CUX2: variants seen among roughly 807,000 people sequenced by gnomAD.
CUX2 encodes the protein cut like homeobox 2, also known as homeobox protein cut-like 2.
Under a neutral mutation model 144.8 loss-of-function variants are expected in CUX2, and 40 were observed. The observed-to-expected ratio is 0.28, with a 90% confidence interval of 0.21 to 0.36. The LOEUF is 0.36. Among genes scored for constraint, CUX2 ranks in the 10% least tolerant of loss-of-function variants. The probability of loss-of-function intolerance (pLI) is 1.00; values close to 1 mark genes in which losing one functional copy is unlikely to be tolerated. For synonymous variants in CUX2, 827 were observed against 875.6 expected (o/e 0.94, Z 0.98); for missense variants, 1,615 against 1,994.0 (o/e 0.81, Z 3.62).
At chr12:111,239,825 G>A (rs756496754) in intron 3 of CUX2, among the ~76,000 whole-genome samples, 4 of 152,172 alleles carry the variant, frequency 2.6e-5, no homozygotes, top group Non-Finnish European at 5.9e-5. Context: ...TGTGTTCTGT[G>A]TCTGTCTGGG....
chr12:111,331,596 C>T (rs1888122929), intron 18 of CUX2, among the ~76,000 whole-genome samples: 1 of 151,892 alleles, frequency 6.6e-6, no homozygotes, highest in Non-Finnish European at 1.5e-5. Context: ...GAGGTGGACC[C>T]TTGCCCCACG....
rs2136150150 is a variant in CUX2, at chr12:111,160,475, TG to T, written c.64-53724del. Among the ~76,000 whole-genome samples the T allele has an allele frequency of 6.6e-6, 1 of 152,302 alleles. No individual in the cohort carries two copies. The highest frequency in any genetic ancestry group is 1.9e-4 in the East Asian group (1 of 5,178). ...TCATCTCTGTGCCTGTGTGTCTGCA[TG>T]TGCACACGTGCAGTGTGTCAGGGAG... On this transcript the variant is annotated intron_variant, in intron 1 of 21. Coordinates refer to ENST00000261726, the MANE Select transcript of CUX2 (RefSeq NM_015267.4). This position sits in a 1 kb window ranked among gnomAD's most constrained non-coding sequence, Gnocchi z 4.1.
intron 1 of CUX2, among the ~76,000 whole-genome samples, chr12:111,145,489 C>G (rs1230907868): frequency 1.3e-5 from 2 of 152,196 alleles, no homozygotes; most frequent in African/African-American, 4.8e-5. Context: ...CCACCTCAGC[C>G]TCCCAAGCAG....
chr12:111,043,095 AC>A (rs1481749441), intron 1 of CUX2, among the ~76,000 whole-genome samples: 1 of 152,234 alleles, frequency 6.6e-6, no homozygotes, highest in East Asian at 1.9e-4. Flanking sequence ...TATATAAAAA[AC>A]AAATACAATA....
In CUX2 at chr12:111,231,100, G is replaced by C. The variant is rs141660784; in HGVS notation, c.222+13163G>C. On this transcript the variant is annotated intron_variant, in intron 3 of 21. Coordinates refer to ENST00000261726, the MANE Select transcript of CUX2 (RefSeq NM_015267.4). Reference sequence around the variant, plus strand: ...CATTTTTAAGTGTACAGTTCAATGAGTTAAGTACACTCGCCCTGTTGTGCA... The same window carrying C: ...CATTTTTAAGTGTACAGTTCAATGACTTAAGTACACTCGCCCTGTTGTGCA... Among the ~76,000 whole-genome samples, 267 of 152,260 alleles carry C rather than the reference G, an allele frequency of 1.8e-3. 3 individuals are homozygous for C. In the South Asian group the frequency reaches 0.027, roughly 15 times the overall value.
intron 1 of CUX2, among the ~76,000 whole-genome samples, chr12:111,074,631 A>G (rs778570122): frequency 7.2e-5 from 11 of 152,024 alleles, no homozygotes; most frequent in African/African-American, 9.7e-5. Context: ...CTGACTTCAC[A>G]GGAAGCAGCA....
At chr12:111,193,130 AG>A (rs1319916930) in intron 1 of CUX2, among the ~76,000 whole-genome samples, 2 of 152,170 alleles carry the variant, frequency 1.3e-5, no homozygotes, top group Non-Finnish European at 2.9e-5. Context: ...CTTGTCTTTA[AG>A]GGTTGGTGGT....
intron 1 of CUX2, among the ~76,000 whole-genome samples, chr12:111,065,958 C>A (rs114724436): frequency 6.6e-6 from 1 of 152,176 alleles, no homozygotes; most frequent in African/African-American, 2.4e-5. Context: ...CAAACCCATG[C>A]GAGTGCAGGA....
chr12:111,193,723 A>G (rs981352830), intron 1 of CUX2, among the ~76,000 whole-genome samples: 4 of 152,146 alleles, frequency 2.6e-5, no homozygotes, highest in Admixed American at 2.6e-4. Flanking sequence ...GGGACCTCTC[A>G]CTGGCTGGAG....
chr12:111,116,111 A>G (rs1337997324), intron 1 of CUX2, among the ~76,000 whole-genome samples: 2 of 152,190 alleles, frequency 1.3e-5, no homozygotes, highest in Non-Finnish European at 2.9e-5. Flanking sequence ...GAGAACTCCT[A>G]TTCATTTGAC....
At chr12:111,104,240 G>A (rs1339322472) in intron 1 of CUX2, among the ~76,000 whole-genome samples, 2 of 152,134 alleles carry the variant, frequency 1.3e-5, no homozygotes, top group Non-Finnish European at 2.9e-5. Context: ...ATAGGCCAAA[G>A]CTTCCTTTTT....
Position 111,314,639 on chromosome 12 carries a change from T to TTA in CUX2, c.2002+2438_2002+2439insTA, listed in dbSNP as rs1346176308. Among the ~76,000 whole-genome samples, 4 of 23,234 alleles carry TTA rather than the reference T, an allele frequency of 1.7e-4. No individual in the cohort carries two copies. The Admixed American group carries it at 2.4e-3, about 14-fold the overall frequency. The allele number at this position is 23,234 out of a possible 152,430, so 15.2% of individuals were successfully genotyped here. ...TGCGCAACAAGAGCAAAACTCAGTC[T>TTA]AAAAAAAAAAAAAAAAAAAAAAAAA... On this transcript the variant is annotated intron_variant, in intron 16 of 21. Transcript: ENST00000261726.
At chr12:111,223,733 C>T (rs1176690149) in intron 3 of CUX2, among the ~76,000 whole-genome samples, 4 of 152,280 alleles carry the variant, frequency 2.6e-5, no homozygotes, top group East Asian at 1.9e-4. Flanking sequence ...CCAGTCAAGC[C>T]GTCAGATGAC....
At chr12:111,232,921 T>C (rs1156425083) in intron 3 of CUX2, among the ~76,000 whole-genome samples, 1 of 152,174 alleles carries the variant, frequency 6.6e-6, no homozygotes, top group Non-Finnish European at 1.5e-5. Flanking sequence ...CAGTTGTAAT[T>C]CAGACACTCG....
At chr12:111,143,644 C>G (rs1256984248) in intron 1 of CUX2, among the ~76,000 whole-genome samples, 1 of 152,242 alleles carries the variant, frequency 6.6e-6, no homozygotes, top group Admixed American at 6.5e-5. Context: ...CAGTGTTATG[C>G]TCACTTAAAG....
At chr12:111,218,019 G>C (rs547308565) in intron 3 of CUX2, 82 bp downstream of exon 3, 26 of 1,462,042 alleles carry the variant, frequency 1.8e-5, no homozygotes, top group Admixed American at 1.0e-4. Flanking sequence ...GCCCAGGGGG[G>C]CCAGCAGCCT....
At chr12:111,105,542 C>G (rs1383691346) in intron 1 of CUX2, among the ~76,000 whole-genome samples, 1 of 152,152 alleles carries the variant, frequency 6.6e-6, no homozygotes, top group Non-Finnish European at 1.5e-5. Flanking sequence ...CTCTCCCTGC[C>G]TCTCCAGAGC....
intron 1 of CUX2, among the ~76,000 whole-genome samples, chr12:111,091,898 G>C (rs1429073052): frequency 6.6e-6 from 1 of 152,148 alleles, no homozygotes; most frequent in Non-Finnish European, 1.5e-5. Flanking sequence ...TAAGGACAAG[G>C]GTCGCTAGAT....
chr12:111,347,728 G>A lies in CUX2; in HGVS notation c.3864G>A (p.Leu1288=). Residue 1288 remains leucine, a synonymous_variant, in exon 22 of 22, where the codon CTG becomes CTA. Coordinates refer to ENST00000261726, the MANE Select transcript of CUX2 (RefSeq NM_015267.4). ...GCCCTGAGGAGAACAGCACACCCCT[G>A]ACCACCCAGGACAAGGCCCAAGTGA... is the stretch of plus-strand genomic sequence containing the variant. ...QEGPEENSTP[L]TTQDKAQVRI... 2 of 1,613,730 alleles carry A rather than the reference G, an allele frequency of 1.2e-6. No individual in the cohort carries two copies. The highest frequency in any genetic ancestry group is 1.7e-6 in the Non-Finnish European group (2 of 1,179,970).
Sources: allele counts gnomAD v4.1 joint callset (sites outside exome capture counted in the v4.1 genomes callset), GRCh38; gene constraint gnomAD v4.1.1; non-coding constraint Gnocchi (gnomAD v3.1); transcripts MANE v1.5; gene names NCBI Gene and HGNC (gene_info 2026-07-23, HGNC 2026-07-21).